WDR89: variants seen among roughly 807,000 people sequenced by gnomAD.
The protein encoded by WDR89 is WD repeat domain 89.
Under a neutral mutation model 29.1 loss-of-function variants are expected in WDR89, and 17 were observed. The ratio of observed to expected loss-of-function variants is 0.58; its 90% CI spans 0.40 to 0.88. WDR89 has a LOEUF of 0.88. Among genes scored for constraint, WDR89 ranks in the 40% least tolerant of loss-of-function variants. The probability of loss-of-function intolerance (pLI) is 0.00; values close to 1 mark genes in which losing one functional copy is unlikely to be tolerated. For synonymous variants in WDR89, 138 were observed against 157.8 expected (o/e 0.87, Z 0.94); for missense variants, 396 against 456.3 (o/e 0.87, Z 1.20).
intron 2 of WDR89, chr14:63,601,758 G>A (rs1253768997): frequency 7.5e-7 from 1 of 1,340,074 alleles, no homozygotes; most frequent in African/African-American, 1.4e-5. Flanking sequence ...AGTTCTAGAT[G>A]ACAAGGATTA....
At chr14:63,623,230 A>G (rs1001303395) in intron 2 of WDR89, among the ~76,000 whole-genome samples, 2 of 150,994 alleles carry the variant, frequency 1.3e-5, no homozygotes, top group African/African-American at 4.9e-5. Context: ...CATATAGTAA[A>G]CCCTAGACTA....
chr14:63,616,060 T>C (rs370282657), intron 2 of WDR89, among the ~76,000 whole-genome samples: 1 of 151,996 alleles, frequency 6.6e-6, no homozygotes. Flanking sequence ...TTAGGCAACA[T>C]GGCTAAACTC....
chr14:63,641,107 A>AG (rs1052538745), intron 1 of WDR89, among the ~76,000 whole-genome samples: 2 of 150,450 alleles, frequency 1.3e-5, no homozygotes, highest in Non-Finnish European at 3.0e-5. Flanking sequence ...CAAAAAAAAA[A>AG]AAAAAAAAGA....
intron 2 of WDR89, among the ~76,000 whole-genome samples, chr14:63,620,004 CAAA>C (rs71120271): frequency 1.4e-5 from 1 of 72,464 alleles, no homozygotes. Flanking sequence ...GACTCCATCT[CAAA>C]AAAAAAAAAA....
At chr14:63,612,158 T>C (rs1882029171) in intron 2 of WDR89, among the ~76,000 whole-genome samples, 1 of 152,078 alleles carries the variant, frequency 6.6e-6, no homozygotes, top group African/African-American at 2.4e-5. Flanking sequence ...CCTGAGATGA[T>C]TCTAGCAGGC....
intron 1 of WDR89, among the ~76,000 whole-genome samples, chr14:63,625,726 T>C (rs1263376530): frequency 6.6e-6 from 1 of 152,186 alleles, no homozygotes; most frequent in Non-Finnish European, 1.5e-5. Flanking sequence ...TTGTAGACCT[T>C]ACAGTAGTTA....
At chr14:63,603,048 G>A (rs1214412835) in intron 2 of WDR89, among the ~76,000 whole-genome samples, 4 of 152,022 alleles carry the variant, frequency 2.6e-5, no homozygotes, top group East Asian at 1.9e-4. Flanking sequence ...GAGCCACCAC[G>A]CCCAGCCTGG....
At chr14:63,601,387 T>C in intron 2 of WDR89, 1 of 630,702 alleles carries the variant, frequency 1.6e-6, no homozygotes, top group Non-Finnish European at 2.8e-6. Flanking sequence ...CCATACTAGA[T>C]TGCCTCTCCA....
At chr14:63,640,122 C>T (rs1884005955) in intron 1 of WDR89, among the ~76,000 whole-genome samples, 1 of 152,114 alleles carries the variant, frequency 6.6e-6, no homozygotes, top group Non-Finnish European at 1.5e-5. Flanking sequence ...GAATACTGAA[C>T]AAGGAGATAA....
At chr14:63,612,537 G>A (rs928888090) in intron 2 of WDR89, among the ~76,000 whole-genome samples, 4 of 151,916 alleles carry the variant, frequency 2.6e-5, no homozygotes, top group African/African-American at 4.8e-5. Flanking sequence ...CACCATGCCC[G>A]ACTAATTTTG....
chr14:63,599,747 A>G lies in WDR89; in HGVS notation c.196T>C (p.Phe66Leu). Residue 66 changes from phenylalanine to leucine, a missense_variant, in exon 3 of 3, where the codon TTT becomes CTT. Transcript: ENST00000620954. ...TTAAGAAGTCCAGGATATCCACTAA[A>G]TTCTCGTAGTACATTTAACCTTTCT... ...DKERLNVLREFSGYPGLLNGV... is the reference protein window; with the variant it reads ...DKERLNVLRELSGYPGLLNGV... 6.2e-7 allele frequency: 1 copy of G among 1,614,174 alleles called. No individual in the cohort carries two copies. The highest frequency in any genetic ancestry group is 8.5e-7 in the Non-Finnish European group (1 of 1,180,022).
At chr14:63,602,818 T>C (rs1320444916) in intron 2 of WDR89, among the ~76,000 whole-genome samples, 1 of 151,118 alleles carries the variant, frequency 6.6e-6, no homozygotes, top group African/African-American at 2.4e-5. Context: ...AGTATCACCA[T>C]ATAAGGGAGA....
intron 2 of WDR89, among the ~76,000 whole-genome samples, chr14:63,602,132 G>C (rs1477361007): frequency 6.6e-6 from 1 of 152,150 alleles, no homozygotes; most frequent in Non-Finnish European, 1.5e-5. Context: ...ATTAACTAAT[G>C]CATGCCATGT....
chr14:63,623,868 A>G (rs1379225775), intron 2 of WDR89, among the ~76,000 whole-genome samples: 1 of 152,046 alleles, frequency 6.6e-6, no homozygotes, highest in African/African-American at 2.4e-5. Flanking sequence ...CCCATTTTAA[A>G]CATAAAGCCA....
At chr14:63,626,306 CA>C (rs1304119423) in intron 1 of WDR89, among the ~76,000 whole-genome samples, 4 of 151,890 alleles carry the variant, frequency 2.6e-5, no homozygotes, top group African/African-American at 9.7e-5. Context: ...TTTATCCAAA[CA>C]AAAAATAATA....
At chr14:63,612,619 T>C (rs180989509) in intron 2 of WDR89, among the ~76,000 whole-genome samples, 41 of 152,030 alleles carry the variant, frequency 2.7e-4, no homozygotes, top group African/African-American at 9.6e-4. Context: ...AGGTGATCCA[T>C]CCGCCTCGGC....
At chr14:63,602,282 G>C (rs1303555336) in intron 2 of WDR89, among the ~76,000 whole-genome samples, 1 of 151,744 alleles carries the variant, frequency 6.6e-6, no homozygotes, top group East Asian at 1.9e-4. Context: ...GACCAGTCTG[G>C]TCAACATGGT....
chr14:63,634,953 G>A (rs979143556), intron 1 of WDR89, among the ~76,000 whole-genome samples: 4 of 150,960 alleles, frequency 2.6e-5, no homozygotes, highest in East Asian at 2.0e-4. Context: ...CAGGAGAATC[G>A]CTTGAACCTA....
At chr14:63,624,339 T>A (rs1006715038) in intron 2 of WDR89, among the ~76,000 whole-genome samples, 2 of 151,566 alleles carry the variant, frequency 1.3e-5, no homozygotes, top group African/African-American at 4.8e-5. Flanking sequence ...TGGTGGCGCA[T>A]GCCTATAGTC....
Sources: allele counts gnomAD v4.1 joint callset (sites outside exome capture counted in the v4.1 genomes callset), GRCh38; gene constraint gnomAD v4.1.1; transcripts MANE v1.5; gene names NCBI Gene and HGNC (gene_info 2026-07-23, HGNC 2026-07-21).